Variants in EPC2 observed in about 807,000 individuals in gnomAD.
EPC2 encodes the protein enhancer of polycomb homolog 2.
A neutral mutation model predicts 92.1 loss-of-function variants in EPC2; 14 were observed. The ratio of observed to expected loss-of-function variants is 0.15; its 90% CI spans 0.10 to 0.24. The LOEUF (loss-of-function observed/expected upper bound fraction) is 0.24. EPC2 is among the 10% of genes least tolerant of loss of function. The pLI is 1.00. For missense variants in EPC2, 755 were observed against 971.5 expected (o/e 0.78, Z 2.96); for synonymous variants, 340 against 334.7 (o/e 1.02, Z -0.17).
intron 2 of EPC2, among the ~76,000 whole-genome samples, chr2:148,740,674 A>ACC (rs1682865342): frequency 6.6e-6 from 1 of 152,168 alleles, no homozygotes; most frequent in Admixed American, 6.5e-5. Context: ...AGGTAGGTGT[A>ACC]TAAAAGATGG....
chr2:148,694,287 T>C (rs984079392), intron 2 of EPC2, among the ~76,000 whole-genome samples: 5 of 152,104 alleles, frequency 3.3e-5, no homozygotes, highest in Admixed American at 2.6e-4. Context: ...GAGTTGGGAG[T>C]GGACTCCAAT....
At chr2:148,776,326 T>A (rs1370766584) in intron 10 of EPC2, among the ~76,000 whole-genome samples, 1 of 152,212 alleles carries the variant, frequency 6.6e-6, no homozygotes, top group East Asian at 1.9e-4. Context: ...AAGGAAATAA[T>A]GAAATTTCAA....
rs1478504571 is a variant in EPC2 at position 148,761,944 on chromosome 2, T to A, written c.815+14T>A. ...TGTGGAGAAAAGGTAACATTGCTCC[T>A]GTTACAACAGTAAAATGACAACTTT... On this transcript the variant is annotated intron_variant, in intron 5 of 13. Coordinates refer to ENST00000258484, the MANE Select transcript of EPC2 (RefSeq NM_015630.4). 6.4e-7 allele frequency: 1 copy of A among 1,554,024 alleles called. No homozygotes were observed. The highest frequency in any genetic ancestry group is 8.6e-7 in the Non-Finnish European group (1 of 1,160,132).
At chr2:148,721,328 G>GT (rs201992446) in intron 2 of EPC2, among the ~76,000 whole-genome samples, 69 of 145,430 alleles carry the variant, frequency 4.7e-4, no homozygotes, top group Middle Eastern at 3.5e-3. Context: ...AGGTTGTTGG[G>GT]TTTTTTTTTT....
chr2:148,769,321 C>A, intron 8 of EPC2, 81 bp downstream of exon 8: 1 of 966,234 alleles, frequency 1.0e-6, no homozygotes, highest in South Asian at 1.4e-5. Context: ...TAGTCTTGAT[C>A]TAAAAATGGG....
At chr2:148,770,755 A>ATGAGTTT in intron 8 of EPC2, 37 bp from the exon 9 acceptor site, 1 of 1,577,642 alleles carries the variant, frequency 6.3e-7, no homozygotes, top group Non-Finnish European at 8.6e-7. Context: ...GATTTACTCC[A>ATGAGTTT]TGAGTTTTTT....
intron 2 of EPC2, among the ~76,000 whole-genome samples, chr2:148,727,926 C>T (rs1476987890): frequency 6.6e-6 from 1 of 152,188 alleles, no homozygotes; most frequent in Non-Finnish European, 1.5e-5. Context: ...TTATAAGTGA[C>T]CACAAGTGAC....
At chr2:148,709,193 C>T (rs1487119527) in intron 2 of EPC2, among the ~76,000 whole-genome samples, 1 of 152,186 alleles carries the variant, frequency 6.6e-6, no homozygotes, top group Non-Finnish European at 1.5e-5. Flanking sequence ...CATTCTTATA[C>T]ACCAATAACA....
chr2:148,675,752 T>C (rs1337906749), intron 1 of EPC2, among the ~76,000 whole-genome samples: 1 of 152,220 alleles, frequency 6.6e-6, no homozygotes, highest in Non-Finnish European at 1.5e-5. Context: ...TCTCATTGTT[T>C]TTGTCATTGT....
chr2:148,747,591 A>T (rs10184306), intron 3 of EPC2, among the ~76,000 whole-genome samples: 110,249 of 151,966 alleles, frequency 0.73, 41,442 homozygotes, highest in Non-Finnish European at 0.85. Flanking sequence ...TTTTACCCAC[A>T]TCACAATCCA....
At chr2:148,648,309 C>T (rs1683848194) in intron 1 of EPC2, among the ~76,000 whole-genome samples, 1 of 152,164 alleles carries the variant, frequency 6.6e-6, no homozygotes. Flanking sequence ...ATTCATTTCT[C>T]TGGTCTTACA....
At chr2:148,680,498 TTACTC>T (rs748203362) in intron 1 of EPC2, among the ~76,000 whole-genome samples, 1 of 152,244 alleles carries the variant, frequency 6.6e-6, no homozygotes, top group Admixed American at 6.5e-5. Context: ...CTAGTTTCGT[TTACTC>T]TAGTGCACTT....
At chr2:148,645,715 C>A (rs113049308) in intron 1 of EPC2, among the ~76,000 whole-genome samples, 6 of 152,178 alleles carry the variant, frequency 3.9e-5, no homozygotes, top group Non-Finnish European at 5.9e-5. Context: ...TGCAGCACTG[C>A]GGCGGGGGAG....
rs553632041 is a variant in EPC2 at position 148,707,261 on chromosome 2, A to G, written c.313+16888A>G. On this transcript the variant is annotated intron_variant, in intron 2 of 13. Transcript: ENST00000258484. ...CAAAAGAGATAAAGAAGGCCATTAC[A>G]TAATGGTAAAGGGATCAATTCAACA... Among the ~76,000 whole-genome samples, 4 of 152,334 alleles carry G rather than the reference A, an allele frequency of 2.6e-5. No individual in the cohort carries two copies. In the East Asian group the frequency reaches 5.8e-4, roughly 22 times the overall value.
chr2:148,666,391 G>C (rs1319165827), intron 1 of EPC2, among the ~76,000 whole-genome samples: 1 of 152,148 alleles, frequency 6.6e-6, no homozygotes, highest in East Asian at 1.9e-4. Context: ...TTATCCTCCT[G>C]CCTTGGCCTC....
At chr2:148,704,419 A>G (rs959942276) in intron 2 of EPC2, among the ~76,000 whole-genome samples, 1 of 152,198 alleles carries the variant, frequency 6.6e-6, no homozygotes. Context: ...CAAGATGAAA[A>G]GCATTAGGGA....
At chr2:148,669,503 C>A (rs1431037361) in intron 1 of EPC2, among the ~76,000 whole-genome samples, 1 of 151,990 alleles carries the variant, frequency 6.6e-6, no homozygotes, top group Admixed American at 6.6e-5. Flanking sequence ...ATGGCAAGAC[C>A]CTGTCTCTAC....
chr2:148,679,102 G>T (rs565028440), intron 1 of EPC2, among the ~76,000 whole-genome samples: 2 of 152,158 alleles, frequency 1.3e-5, no homozygotes, highest in South Asian at 4.1e-4. Flanking sequence ...TTGATAACTG[G>T]ATCTAAAAAT....
intron 2 of EPC2, among the ~76,000 whole-genome samples, chr2:148,737,747 GGAA>G (rs534013414): frequency 2.5e-4 from 38 of 152,074 alleles, no homozygotes; most frequent in African/African-American, 7.0e-4. Context: ...GGGCCACATT[GGAA>G]GAAGAAGAAT....
Sources: gnomAD v4.1 joint callset for allele counts (sites outside exome capture counted in the v4.1 genomes callset) on GRCh38, gnomAD v4.1.1 for gene constraint, MANE v1.5 for transcripts, NCBI Gene and HGNC (gene_info 2026-07-23, HGNC 2026-07-21) for gene names.